The following PCDHGB2 variants were observed in gnomAD, a reference collection of about 807,000 sequenced individuals.
PCDHGB2 encodes protocadherin gamma-B2.
A neutral mutation model predicts 59.3 loss-of-function variants in PCDHGB2; 55 were observed. The observed-to-expected ratio is 0.93, with a 90% CI of 0.75 to 1.16. The LOEUF is 1.16. Among genes scored for constraint, PCDHGB2 ranks in the 50% most tolerant of loss-of-function variants. PCDHGB2 has a pLI of 0.00. For synonymous variants in PCDHGB2, 516 were observed against 512.0 expected, an observed-to-expected ratio of 1.01 and a Z score of -0.11; for missense variants, 1,228 against 1,198.5, an observed-to-expected ratio of 1.02 and a Z score of -0.36.
chr5:141,478,124 T>C (rs776469996), intron 1 of PCDHGB2: 1 of 1,613,978 alleles, frequency 6.2e-7, no homozygotes, highest in South Asian at 1.1e-5. Flanking sequence ...AACCGAGGAC[T>C]CTCCTGAAGC....
At chr5:141,388,574 T>A (rs372294800) in intron 1 of PCDHGB2, 107 of 1,613,842 alleles carry the variant, frequency 6.6e-5, no homozygotes, top group Middle Eastern at 1.6e-4. Context: ...AGATACACGT[T>A]CTAGTGACTG....
chr5:141,419,350 G>T lies in PCDHGB2; in HGVS notation c.2421+56794G>T, dbSNP rs202038869. 1.1e-4 allele frequency: 173 copies of T among 1,613,730 alleles called. 2 individuals are homozygous for T. The highest frequency in any genetic ancestry group is 2.3e-4 in the Admixed American group (14 of 60,012). ...ACTCTCTCATTGCCAGCGACCTGGA[G>T]TCACGAACGCTGTCGTCCTACGTGT... On this transcript the variant is annotated intron_variant, in intron 1 of 3. Transcript: ENST00000522605.
In PCDHGB2 at chr5:141,372,102, G is replaced by A. The variant is rs200898659; in HGVS notation, c.2421+9546G>A. The stretch of plus-strand genomic sequence containing the variant: ...GGTGCTGTACCCAGCTCTGGGGCCC[G>A]AAGGCTCTGCGCTCTTCGATATGGT... On this transcript the variant is annotated intron_variant, in intron 1 of 3. Coordinates refer to ENST00000522605, the MANE Select transcript of PCDHGB2 (RefSeq NM_018923.3). 5.0e-5 allele frequency: 81 copies of A among 1,613,784 alleles called. No homozygotes were observed. The African/African-American group carries it at 1.0e-3, about 20-fold the overall frequency.
chr5:141,404,928 C>A lies in PCDHGB2; in HGVS notation c.2421+42372C>A, dbSNP rs145718404. The stretch of plus-strand genomic sequence containing the variant: ...CAGCCCCCTCTCTCGGCCACTGTCA[C>A]GCTCACAGTAGCCATAGCTGACAGC... On this transcript the variant is annotated intron_variant, in intron 1 of 3. Coordinates refer to ENST00000522605, the MANE Select transcript of PCDHGB2 (RefSeq NM_018923.3). The A allele has an allele frequency of 1.9e-6, 3 of 1,613,866 alleles. No individual in the cohort carries two copies. In the South Asian group the frequency reaches 3.3e-5, roughly 18 times the overall value.
intron 1 of PCDHGB2, among the ~76,000 whole-genome samples, chr5:141,442,784 A>C (rs1267270442): frequency 2.0e-5 from 3 of 152,212 alleles, no homozygotes; most frequent in Non-Finnish European, 4.4e-5. Flanking sequence ...ATTATATTTT[A>C]TAATTTTACT....
intron 1 of PCDHGB2, 58 bp from the exon 2 acceptor site, chr5:141,494,749 G>A (rs573811540): frequency 2.9e-5 from 47 of 1,612,698 alleles, no homozygotes; most frequent in Non-Finnish European, 3.6e-5. Flanking sequence ...CTAGGGGCTC[G>A]GGTGACATTC....
In PCDHGB2 at chr5:141,491,163, C is replaced by T; in HGVS notation, c.2422-3644C>T. On this transcript the variant is annotated intron_variant, in intron 1 of 3. Transcript: ENST00000522605. The surrounding 1 kb of genome is among the most constrained non-coding windows in gnomAD (Gnocchi z 6.9). ...CCTTACTGGAGGATGACTCTGACAC[C>T]CAGCAGGTGGTGGTCCTGGTGAGGG... is the stretch of plus-strand genomic sequence containing the variant. 1 of 1,614,092 alleles carries T rather than the reference C, an allele frequency of 6.2e-7. No homozygotes were observed. Among genetic ancestry groups the T allele is most frequent in the Non-Finnish European group, 8.5e-7 (1 of 1,179,950 alleles).
At chr5:141,382,123 T>C (rs1431842426) in intron 1 of PCDHGB2, among the ~76,000 whole-genome samples, 1 of 152,126 alleles carries the variant, frequency 6.6e-6, no homozygotes, top group Non-Finnish European at 1.5e-5. Context: ...CAACAGCACC[T>C]GGCCCCCCCT....
Position 141,360,270 on chromosome 5 carries a change from G to T in PCDHGB2, c.135G>T (p.Ser45=), listed in dbSNP as rs1761507525. The change falls in exon 1 of 4, where the codon TCG becomes TCT. Residue 45 remains serine, a synonymous_variant. Transcript: ENST00000522605. Reference sequence around the variant, plus strand: ...TTCCAGAGGAGCTGGCCAAAAACTCGGTCGTAGGAAACCTCGCCAAGGATC... The same window carrying T: ...TTCCAGAGGAGCTGGCCAAAAACTCTGTCGTAGGAAACCTCGCCAAGGATC... ...YSIPEELAKN[S]VVGNLAKDLG... is the part of the protein sequence containing the mutation. 2 of 1,613,904 alleles carry T rather than the reference G, an allele frequency of 1.2e-6. No individual in the cohort carries two copies. Among genetic ancestry groups the T allele is most frequent in the African/African-American group, 1.3e-5 (1 of 75,012 alleles).
chr5:141,363,741 C>T (rs1763049748), intron 1 of PCDHGB2, among the ~76,000 whole-genome samples: 1 of 152,096 alleles, frequency 6.6e-6, no homozygotes, highest in African/African-American at 2.4e-5. Context: ...GGTTTGTTTC[C>T]TTGGTATTCT....
At chr5:141,474,965 A>T (rs1268347441) in intron 1 of PCDHGB2, among the ~76,000 whole-genome samples, 1 of 152,236 alleles carries the variant, frequency 6.6e-6, no homozygotes, top group Non-Finnish European at 1.5e-5. Context: ...TATCCTAATC[A>T]TTATAATTTT....
chr5:141,478,415 C>G (rs182700706), intron 1 of PCDHGB2: 5 of 1,613,648 alleles, frequency 3.1e-6, no homozygotes, highest in Non-Finnish European at 4.2e-6. Context: ...CACGGACTCC[C>G]GCCGCAGCGA....
chr5:141,502,864 G>GGCTTTTTT (rs2099816401), intron 2 of PCDHGB2, among the ~76,000 whole-genome samples: 1 of 61,572 alleles, frequency 1.6e-5, no homozygotes, highest in Non-Finnish European at 3.0e-5. Flanking sequence ...CTGACTCTCT[G>GGCTTTTTT]TCTTTTTTTT....
intron 1 of PCDHGB2, among the ~76,000 whole-genome samples, chr5:141,387,464 C>T (rs2240699): frequency 0.55 from 83,096 of 152,122 alleles, 25,275 homozygotes; most frequent in African/African-American, 0.83. Context: ...CCTAAAAATC[C>T]TCAAAGTTGG....
chr5:141,382,890 C>A, intron 1 of PCDHGB2: 2 of 1,532,810 alleles, frequency 1.3e-6, no homozygotes, highest in Non-Finnish European at 1.8e-6. Flanking sequence ...GCAAGAGAAG[C>A]AGGACGACTA....
chr5:141,399,780 A>G (rs1444494014), intron 1 of PCDHGB2: 1 of 1,613,288 alleles, frequency 6.2e-7, no homozygotes, highest in Non-Finnish European at 8.5e-7. Flanking sequence ...TGGGCGACCG[A>G]AACGACAACG....
At chr5:141,408,401 C>T in intron 1 of PCDHGB2, 2 of 1,614,010 alleles carry the variant, frequency 1.2e-6, no homozygotes, top group Non-Finnish European at 8.5e-7. Context: ...TCGCAAGCTG[C>T]GAGTGAGCGC....
rs753936459 is a variant in PCDHGB2 at position 141,501,288 on chromosome 5, TATAC to T, written c.2481-4103_2481-4100del. Among the ~76,000 whole-genome samples the T allele has an allele frequency of 4.5e-4, 37 of 81,322 alleles. No homozygotes were observed. The South Asian group carries it at 5.1e-3, about 11-fold the overall frequency. 53.4% of individuals were successfully genotyped at this position (81,322 alleles called of 152,430 possible). A position where few individuals can be genotyped will look rare whatever the true frequency, so the allele number is the denominator to read the frequency against. ...TAGTCCAGTCTATGGGATATTCCCT[TATAC>T]ACACACACACACACACACACACACA... On this transcript the variant is annotated intron_variant, in intron 2 of 3. Coordinates refer to ENST00000522605, the MANE Select transcript of PCDHGB2 (RefSeq NM_018923.3).
chr5:141,432,722 T>G lies in PCDHGB2; in HGVS notation c.2422-62085T>G, dbSNP rs2097531915. 6.2e-7 allele frequency: 1 copy of G among 1,613,646 alleles called. No homozygotes were observed. Among genetic ancestry groups the G allele is most frequent in the African/African-American group, 1.3e-5 (1 of 74,900 alleles). ...CCAGGACCACGGCCAGCCCCCTCTC[T>G]CCGCCACTGTCACGCTCACCGTGGC... On this transcript the variant is annotated intron_variant, in intron 1 of 3. Coordinates refer to ENST00000522605, the MANE Select transcript of PCDHGB2 (RefSeq NM_018923.3). The surrounding 1 kb of genome is among the most constrained non-coding windows in gnomAD (Gnocchi z 6.0).
Sources: gnomAD v4.1 joint callset for allele counts (sites outside exome capture counted in the v4.1 genomes callset) on GRCh38, gnomAD v4.1.1 for gene constraint, Gnocchi (gnomAD v3.1) non-coding constraint, MANE v1.5 for transcripts, NCBI Gene and HGNC (gene_info 2026-07-23, HGNC 2026-07-21) for gene names.